Variants in CEP128 observed in about 807,000 individuals in gnomAD.
CEP128 encodes the protein centrosomal protein 128kDa.
In CEP128, 132 loss-of-function variants were observed where a neutral mutation model predicts 156.7. That is an observed-to-expected ratio of 0.84 (90% CI 0.73 to 0.97). The LOEUF (loss-of-function observed/expected upper bound fraction) is 0.97, where lower values mean the gene tolerates loss of function less well. Ranked by LOEUF, CEP128 falls within the 50% of genes least tolerant of loss-of-function variation. The probability of loss-of-function intolerance (pLI) is 0.00; values close to 1 mark genes in which losing one functional copy is unlikely to be tolerated. For synonymous variants in CEP128, 469 were observed against 448.9 expected (o/e 1.04, Z -0.57); for missense variants, 1,252 against 1,281.9 (o/e 0.98, Z 0.36).
intron 13 of CEP128, among the ~76,000 whole-genome samples, chr14:80,803,904 A>G (rs564375672): frequency 7.2e-5 from 11 of 152,274 alleles, no homozygotes; most frequent in African/African-American, 2.6e-4. Context: ...GGACAAAAAA[A>G]TTAACCATAA....
rs568334062 is a variant in CEP128 at position 80,847,128 on chromosome 14, A to G, written c.763-6360T>C. Among the ~76,000 whole-genome samples, 9 of 152,258 alleles carry G rather than the reference A, an allele frequency of 5.9e-5. 1 individual carries two copies. The South Asian group carries it at 1.9e-3, about 32-fold the overall frequency. ...TCTTCTATAGAAGCTTTGGGGGAAA[A>G]AATATCTTTCACTGAAAAAAACATC... On this transcript the variant is annotated intron_variant, in intron 9 of 24. Transcript: ENST00000555265.
chr14:80,628,035 T>C (rs1893805559), intron 19 of CEP128, among the ~76,000 whole-genome samples: 1 of 152,122 alleles, frequency 6.6e-6, no homozygotes, highest in Non-Finnish European at 1.5e-5. Flanking sequence ...GCTTCGGGAG[T>C]AAGCGTACTA....
intron 7 of CEP128, among the ~76,000 whole-genome samples, chr14:80,899,313 G>A (rs1369395806): frequency 1.3e-5 from 2 of 152,126 alleles, no homozygotes; most frequent in Non-Finnish European, 2.9e-5. Context: ...TATATGGATT[G>A]TAATTCTTAA....
intron 19 of CEP128, among the ~76,000 whole-genome samples, chr14:80,700,194 T>G (rs1002297505): frequency 6.6e-6 from 1 of 152,150 alleles, no homozygotes; most frequent in Non-Finnish European, 1.5e-5. Flanking sequence ...CTTTCTGAGT[T>G]TAGTCTTTGG....
chr14:80,614,372 AC>A (rs1169857234), intron 19 of CEP128, among the ~76,000 whole-genome samples: 2 of 151,852 alleles, frequency 1.3e-5, no homozygotes, highest in Non-Finnish European at 2.9e-5. Context: ...CGCCAGGCTT[AC>A]CCCCTTCCTT....
At chr14:80,865,448 C>T (rs1887722822) in intron 8 of CEP128, among the ~76,000 whole-genome samples, 2 of 152,064 alleles carry the variant, frequency 1.3e-5, no homozygotes, top group African/African-American at 4.8e-5. Context: ...GATATGTATC[C>T]AGAAGTGGGA....
Position 80,781,474 on chromosome 14 carries a change from A to AG in CEP128, c.2211+3420_2211+3421insC, listed in dbSNP as rs1233903871. The stretch of plus-strand genomic sequence containing the variant: ...CCGTCTCAAAAAAAAAAAAAAAAAA[A>AG]AGTAATGAATGTACATGAGTAAGGT... On this transcript the variant is annotated intron_variant, in intron 15 of 24. Transcript: ENST00000555265. Among the ~76,000 whole-genome samples, 3 of 151,908 alleles carry AG rather than the reference A, an allele frequency of 2.0e-5. No individual in the cohort carries two copies. In the East Asian group the frequency reaches 5.8e-4, roughly 29 times the overall value.
At chr14:80,818,788 A>G (rs529419449) in intron 13 of CEP128, among the ~76,000 whole-genome samples, 2 of 152,380 alleles carry the variant, frequency 1.3e-5, no homozygotes, top group Admixed American at 6.5e-5. Flanking sequence ...ATGATAATAA[A>G]CATGTGAAAC....
exon 15 of CEP128, chr14:80,476,999 T>C (rs1886957375): frequency 6.6e-6 from 1 of 152,150 alleles, no homozygotes; most frequent in African/African-American, 2.4e-5. Context: ...ACATTTAATG[T>C]TTATTTATTT....
chr14:80,740,757 A>C (rs946171381), intron 19 of CEP128, among the ~76,000 whole-genome samples: 1 of 152,144 alleles, frequency 6.6e-6, no homozygotes, highest in South Asian at 2.1e-4. Flanking sequence ...CTCCCTAACA[A>C]AGAAACTTTG....
rs547345581 is a variant in CEP128 at position 80,600,298 on chromosome 14, A to G, written c.2807-19875T>C. Reference sequence around the variant, plus strand: ...AACTGATAAGTTCAATGAACTTCAAATAGGATAAATTCAAAGACATTCACA... The same window carrying G: ...AACTGATAAGTTCAATGAACTTCAAGTAGGATAAATTCAAAGACATTCACA... On this transcript the variant is annotated intron_variant, in intron 19 of 24. Transcript: ENST00000555265. 1.3e-5 allele frequency among the ~76,000 whole-genome samples: 2 copies of G among 152,372 alleles called. 1 individual carries two copies. The highest frequency in any genetic ancestry group is 4.1e-4 in the South Asian group (2 of 4,832).
chr14:80,534,534 A>G (rs1889387063), intron 21 of CEP128, among the ~76,000 whole-genome samples: 1 of 152,184 alleles, frequency 6.6e-6, no homozygotes, highest in South Asian at 2.1e-4. Context: ...CCCCACTGTT[A>G]AGGGAGCAGG....
chr14:80,500,143 A>G (rs2140176588), intron 24 of CEP128, among the ~76,000 whole-genome samples: 2 of 152,288 alleles, frequency 1.3e-5, no homozygotes, highest in South Asian at 4.1e-4. Context: ...CTTAAAACAA[A>G]CTTTCATTAA....
intron 22 of CEP128, among the ~76,000 whole-genome samples, chr14:80,527,505 C>G (rs982595741): frequency 1.6e-4 from 25 of 151,840 alleles, no homozygotes; most frequent in African/African-American, 5.3e-4. Context: ...ACAATGCATC[C>G]TACAGTGGTT....
At chr14:80,533,531 GT>G (rs1317071326) in intron 21 of CEP128, among the ~76,000 whole-genome samples, 1 of 152,022 alleles carries the variant, frequency 6.6e-6, no homozygotes, top group African/African-American at 2.4e-5. Flanking sequence ...CCTTGCATGT[GT>G]TTACATACTA....
chr14:80,793,072 T>C lies in CEP128; in HGVS notation c.1248A>G (p.Gln416=), dbSNP rs1456407467. The C allele has an allele frequency of 6.2e-7, 1 of 1,613,448 alleles. No homozygotes were observed. Among genetic ancestry groups the C allele is most frequent in the South Asian group, 1.1e-5 (1 of 91,082 alleles). ...CCTTAAGTCGATCCAACATCTGCAG[T>C]TGCTGTTTTTCCCCATTCTCCAGTT... is the stretch of plus-strand genomic sequence containing the variant. The part of the protein sequence containing the change: ...TRELENGEKQ[Q]LQMLDRLKEI... The change falls in exon 14 of 25, where the codon CAA becomes CAG. Residue 416 remains glutamine (Q), a synonymous_variant. Transcript: ENST00000555265.
chr14:80,659,414 T>C (rs537557116), intron 19 of CEP128, among the ~76,000 whole-genome samples: 1 of 152,288 alleles, frequency 6.6e-6, no homozygotes, highest in South Asian at 2.1e-4. Flanking sequence ...ACATGGAGCT[T>C]GGCACATAAC....
chr14:80,527,240 G>T, intron 22 of CEP128: 1 of 511,610 alleles, frequency 2.0e-6, no homozygotes, highest in Non-Finnish European at 3.8e-6. Context: ...ACCAGCCTGG[G>T]CAACATGGTG....
chr14:80,836,463 T>G, intron 11 of CEP128, 126 bp from the exon 12 acceptor site: 1 of 976,370 alleles, frequency 1.0e-6, no homozygotes. Context: ...AACGGTTTCC[T>G]GCTCCATTTC....
Sources: gnomAD v4.1 joint callset for allele counts (sites outside exome capture counted in the v4.1 genomes callset) on GRCh38, gnomAD v4.1.1 for gene constraint, MANE v1.5 for transcripts, NCBI Gene and HGNC (gene_info 2026-07-23, HGNC 2026-07-21) for gene names.